Variants in RIN3 observed in about 807,000 individuals in gnomAD.
The protein encoded by RIN3 is RAB5 interacting protein 3.
In RIN3, 54 loss-of-function variants were observed where a neutral mutation model predicts 76.3. The ratio of observed to expected loss-of-function variants is 0.71; its 90% CI spans 0.57 to 0.89. RIN3 has a LOEUF of 0.89. Among genes scored for constraint, RIN3 ranks in the 40% least tolerant of loss-of-function variants. The pLI is 0.00. For missense variants in RIN3, 1,256 were observed against 1,322.1 expected (o/e 0.95, Z 0.78); for synonymous variants, 576 against 564.0 (o/e 1.02, Z -0.30).
At chr14:92,593,605 G>C (rs1350457361) in intron 3 of RIN3, among the ~76,000 whole-genome samples, 1 of 152,074 alleles carries the variant, frequency 6.6e-6, no homozygotes, top group Non-Finnish European at 1.5e-5. Context: ...ATGAGTTAAT[G>C]GGTGCAGCAC....
intron 4 of RIN3, among the ~76,000 whole-genome samples, chr14:92,621,290 ACTT>A (rs1317753358): frequency 6.9e-6 from 1 of 144,274 alleles, no homozygotes; most frequent in Non-Finnish European, 1.5e-5. Flanking sequence ...TTTTTACAAT[ACTT>A]CTTGTTTTAC....
intron 2 of RIN3, among the ~76,000 whole-genome samples, chr14:92,558,241 C>T (rs552704374): frequency 3.3e-5 from 5 of 152,106 alleles, no homozygotes; most frequent in South Asian, 2.1e-4. Flanking sequence ...CCCAGCTATT[C>T]GGGAGGCTGA....
chr14:92,633,280 G>A (rs1431109055), intron 4 of RIN3, among the ~76,000 whole-genome samples: 1 of 152,188 alleles, frequency 6.6e-6, no homozygotes, highest in African/African-American at 2.4e-5. Flanking sequence ...GGATCATGGG[G>A]CCTGATCCCT....
In RIN3 at chr14:92,659,443, A is replaced by G. The variant is rs2140150976; in HGVS notation, c.2309A>G (p.Tyr770Cys). 6.2e-7 allele frequency: 1 copy of G among 1,610,830 alleles called. No homozygotes were observed. The highest frequency in any genetic ancestry group is 8.5e-7 in the Non-Finnish European group (1 of 1,178,222). ...CTGCTCAAGACCTGCAAACTCATCT[A>G]CGACTCCATGGCCCTCGGCAACCCA... ...SILLKTCKLI[Y>C]DSMALGNPGK... Residue 770 changes from tyrosine (Y) to cysteine (C), a missense_variant, in exon 7 of 10, where the codon TAC (tyrosine) becomes TGC (cysteine). By Grantham distance (194) the Tyr-to-Cys change is radical (BLOSUM62 -2). Around this residue, in one of 3 missense-constraint regions of RIN3, gnomAD observed 428 missense variants for 521.2 expected, o/e 0.82. Transcript: ENST00000216487.
At chr14:92,595,225 A>G (rs2140081815) in intron 3 of RIN3, among the ~76,000 whole-genome samples, 1 of 152,030 alleles carries the variant, frequency 6.6e-6, no homozygotes, top group East Asian at 1.9e-4. Context: ...AGGGAGAAGG[A>G]AAAAAGAGAG....
rs1460496482 is a variant in RIN3, at chr14:92,568,729, G to T, written c.250-8631G>T. 6.6e-6 allele frequency among the ~76,000 whole-genome samples: 1 copy of T among 152,224 alleles called. No individual in the cohort carries two copies. The highest frequency in any genetic ancestry group is 6.5e-5 in the Admixed American group (1 of 15,286). On this transcript the variant is annotated intron_variant, in intron 2 of 9. Transcript: ENST00000216487. The surrounding 1 kb of genome is among the most constrained non-coding windows in gnomAD (Gnocchi z 4.2). ...CTCCATCGTGAACTCACAGCCTCCAGCCTCCTCTGCCCCAGGCCAGCGCCT... is the reference window on the plus strand; with the variant it reads ...CTCCATCGTGAACTCACAGCCTCCATCCTCCTCTGCCCCAGGCCAGCGCCT...
Position 92,688,287 on chromosome 14 carries a change from G to GCACGTCTGGCCC in RIN3, c.*37_*48dup, listed in dbSNP as rs1202279389. The GCACGTCTGGCCC allele has an allele frequency of 1.3e-6, 2 of 1,494,682 alleles. No homozygotes were observed. Among genetic ancestry groups the GCACGTCTGGCCC allele is most frequent in the Non-Finnish European group, 1.8e-6 (2 of 1,121,058 alleles). 92.6% of individuals were successfully genotyped at this position (1,494,682 alleles called of 1,614,324 possible). On this transcript the variant is annotated 3_prime_UTR_variant, in exon 10 of 10. Coordinates refer to ENST00000216487, the MANE Select transcript of RIN3 (RefSeq NM_024832.5). The stretch of plus-strand genomic sequence containing the variant: ...GGGGCGCCTCCCCTCACCCCCAGGC[G>GCACGTCTGGCCC]CACGTCTGGCCCCGCCTCTGGCTGC...
intron 4 of RIN3, among the ~76,000 whole-genome samples, chr14:92,631,349 C>T (rs1886575054): frequency 6.6e-6 from 1 of 152,220 alleles, no homozygotes; most frequent in Non-Finnish European, 1.5e-5. Flanking sequence ...CTCAATCCAG[C>T]ACTCAGGAAG....
chr14:92,602,826 C>T (rs1166666727), intron 3 of RIN3, among the ~76,000 whole-genome samples: 2 of 152,090 alleles, frequency 1.3e-5, no homozygotes, highest in Non-Finnish European at 2.9e-5. Context: ...CTCTCTCAAG[C>T]TGATGATGTG....
At chr14:92,564,322 C>T (rs1897858498) in intron 2 of RIN3, among the ~76,000 whole-genome samples, 2 of 152,126 alleles carry the variant, frequency 1.3e-5, no homozygotes, top group South Asian at 4.1e-4. Context: ...TTGGTCTTTC[C>T]AAAACTCACC....
chr14:92,598,200 G>A (rs776565684), intron 3 of RIN3, among the ~76,000 whole-genome samples: 2 of 152,162 alleles, frequency 1.3e-5, no homozygotes, highest in Non-Finnish European at 1.5e-5. Context: ...CCACCATACT[G>A]GAGAGACCAT....
intron 3 of RIN3, among the ~76,000 whole-genome samples, chr14:92,608,960 A>G (rs1187951345): frequency 6.6e-6 from 1 of 152,008 alleles, no homozygotes; most frequent in Non-Finnish European, 1.5e-5. Context: ...TTTAGTGATG[A>G]TTTCTGAGAT....
In RIN3 at chr14:92,557,863, G is replaced by A. The variant is rs139323529; in HGVS notation, c.249+1908G>A. On this transcript the variant is annotated intron_variant, in intron 2 of 9. Transcript: ENST00000216487. ...ATGCAGCTCGAAACCAGCCCAAGGG[G>A]AAAATTTTTGATGCCAGGGGATGGC... Among the ~76,000 whole-genome samples the A allele has an allele frequency of 2.6e-5, 4 of 152,354 alleles. No homozygotes were observed. In the East Asian group the frequency reaches 7.7e-4, roughly 29 times the overall value.
At chr14:92,556,059 A>G in intron 2 of RIN3, 104 bp downstream of exon 2, 2 of 882,324 alleles carry the variant, frequency 2.3e-6, no homozygotes, top group South Asian at 3.1e-5. Flanking sequence ...TACCATGCAG[A>G]TGACTGCATG....
At chr14:92,626,915 T>C (rs1467277855) in intron 4 of RIN3, among the ~76,000 whole-genome samples, 2 of 152,196 alleles carry the variant, frequency 1.3e-5, no homozygotes, top group African/African-American at 4.8e-5. Flanking sequence ...ACCAGACTTT[T>C]GTCATTCACA....
chr14:92,596,325 T>C (rs1344673246), intron 3 of RIN3, among the ~76,000 whole-genome samples: 1 of 152,212 alleles, frequency 6.6e-6, no homozygotes, highest in Non-Finnish European at 1.5e-5. Context: ...CCAGGTACCA[T>C]GTGGGTATTC....
intron 3 of RIN3, among the ~76,000 whole-genome samples, chr14:92,588,805 C>A (rs1030173361): frequency 6.6e-6 from 1 of 152,258 alleles, no homozygotes; most frequent in Admixed American, 6.5e-5. Context: ...ACTCAGTAAC[C>A]ATACTAGTAC....
chr14:92,544,942 G>C (rs148962334), intron 1 of RIN3, among the ~76,000 whole-genome samples: 137 of 152,110 alleles, frequency 9.0e-4, no homozygotes, highest in African/African-American at 2.7e-3. Flanking sequence ...CCTGAGTTTG[G>C]TGTGTGCATG....
chr14:92,600,636 T>C (rs1348248242), intron 3 of RIN3, among the ~76,000 whole-genome samples: 1 of 152,222 alleles, frequency 6.6e-6, no homozygotes, highest in Admixed American at 6.5e-5. Context: ...AGCACTGATT[T>C]CGGGTACCCA....
Sources: gnomAD v4.1 joint callset for allele counts (sites outside exome capture counted in the v4.1 genomes callset) on GRCh38, gnomAD v4.1.1 for gene constraint, gnomAD v4.1.1 regional missense constraint, Gnocchi (gnomAD v3.1) non-coding constraint, MANE v1.5 for transcripts, NCBI Gene and HGNC (gene_info 2026-07-23, HGNC 2026-07-21) for gene names.